The following CHL1 variants were observed in gnomAD, a reference collection of about 807,000 sequenced individuals.
The protein encoded by CHL1 is cell adhesion molecule L1 like, also known as neural cell adhesion molecule L1-like protein.
CHL1 carries 96 observed loss-of-function variants against 141.9 expected under a neutral mutation model. That is an observed-to-expected ratio of 0.68 (90% CI 0.57 to 0.80). CHL1 has a LOEUF of 0.80. Among genes scored for constraint, CHL1 ranks in the 30% least tolerant of loss-of-function variants. The pLI is 0.00. For synonymous variants in CHL1, 613 were observed against 502.2 expected (o/e 1.22, Z -2.95); for missense variants, 1,820 against 1,457.2 (o/e 1.25, Z -4.05).
rs148488519 is a variant in CHL1, at chr3:242,204, T to C, written c.-174-2409T>C. Among the ~76,000 whole-genome samples, 8 of 152,302 alleles carry C rather than the reference T, an allele frequency of 5.3e-5. No individual in the cohort carries two copies. In the East Asian group the frequency reaches 1.5e-3, roughly 29 times the overall value. Reference sequence around the variant, plus strand: ...GTATGTATATATATATGTGTGTGTATATATTTCCATATTTCTTGTTTCATT... The same window carrying C: ...GTATGTATATATATATGTGTGTGTACATATTTCCATATTTCTTGTTTCATT... On this transcript the variant is annotated intron_variant, in intron 1 of 27. Coordinates refer to ENST00000256509, the MANE Select transcript of CHL1 (RefSeq NM_006614.4).
chr3:281,631 C>T (rs1010789348), intron 2 of CHL1, among the ~76,000 whole-genome samples: 1 of 150,236 alleles, frequency 6.7e-6, no homozygotes, highest in Non-Finnish European at 1.5e-5. Flanking sequence ...ACAATCTCAG[C>T]TTACTGCAAC....
intron 2 of CHL1, among the ~76,000 whole-genome samples, chr3:280,669 G>A (rs1696558886): frequency 6.6e-6 from 1 of 152,116 alleles, no homozygotes; most frequent in South Asian, 2.1e-4. Flanking sequence ...TCCACCATTA[G>A]AAACTATCAC....
intron 2 of CHL1, among the ~76,000 whole-genome samples, chr3:260,075 G>T (rs900985252): frequency 6.6e-6 from 1 of 152,084 alleles, no homozygotes; most frequent in Non-Finnish European, 1.5e-5. Flanking sequence ...GACCAGCCTG[G>T]CCAGCATGAT....
chr3:368,864 C>A (rs117958907), intron 15 of CHL1, among the ~76,000 whole-genome samples: 2 of 152,124 alleles, frequency 1.3e-5, no homozygotes, highest in South Asian at 4.2e-4. Flanking sequence ...CTTTCCCCAG[C>A]GCTTCGATTT....
intron 16 of CHL1, among the ~76,000 whole-genome samples, chr3:381,268 G>T (rs552830278): frequency 6.6e-6 from 1 of 152,292 alleles, no homozygotes; most frequent in South Asian, 2.1e-4. Context: ...AGAGCCTGAT[G>T]CGATTGAACA....
At chr3:337,927 A>C (rs1022271337) in intron 5 of CHL1, among the ~76,000 whole-genome samples, 13 of 152,162 alleles carry the variant, frequency 8.5e-5, no homozygotes, top group Non-Finnish European at 1.9e-4. Flanking sequence ...TTCTAGTTCT[A>C]GATCCCTGAG....
At chr3:252,378 ATATATATATATATATATATATATTTC>A (rs199985449) in intron 2 of CHL1, among the ~76,000 whole-genome samples, 2 of 124,920 alleles carry the variant, frequency 1.6e-5, no homozygotes, top group East Asian at 2.1e-4. Context: ...ATATATATAT[ATATATATATATATATATATATATTTC>A]TATTTTGGTA....
intron 1 of CHL1, chr3:197,734 C>A: frequency 2.2e-6 from 1 of 452,556 alleles, no homozygotes. Context: ...TAGAGCTCCA[C>A]CTCCCCAGAC....
Position 391,689 on chromosome 3 carries a change from A to G in CHL1, c.2806A>G (p.Thr936Ala), listed in dbSNP as rs766679621. 1.9e-6 allele frequency: 3 copies of G among 1,604,042 alleles called. No homozygotes were observed. The highest frequency in any genetic ancestry group is 1.7e-5 in the Admixed American group (1 of 58,202). ...GTGTTTTCTAGTACCTGAACAGCCAACTTTTCTAAAGGTCATCAAAGTTGA... is the reference window on the plus strand; with the variant it reads ...GTGTTTTCTAGTACCTGAACAGCCAGCTTTTCTAAAGGTCATCAAAGTTGA... ...QTPEGVPEQP[T>A]FLKVIKVDKD... The change falls in exon 23 of 28, where the codon ACT (threonine) becomes GCT (alanine). Residue 936 changes from threonine to alanine, a missense_variant. Coordinates refer to ENST00000256509, the MANE Select transcript of CHL1 (RefSeq NM_006614.4).
chr3:374,496 A>G (rs1706052554), intron 15 of CHL1, among the ~76,000 whole-genome samples: 2 of 152,148 alleles, frequency 1.3e-5, no homozygotes, highest in African/African-American at 4.8e-5. Flanking sequence ...TGACATGGAC[A>G]TTTAGGCTTT....
At position 240,201 on chromosome 3, in the gene CHL1, A is replaced by G. The variant is rs985026499; in HGVS notation, c.-174-4412A>G. ...TTCCATAGTGGTTGTGCTAGTTGAC[A>G]TTCTCACCAGCAGTGTAGAAGTGCT... On this transcript the variant is annotated intron_variant, in intron 1 of 27. Transcript: ENST00000256509. Among the ~76,000 whole-genome samples the G allele has an allele frequency of 2.6e-5, 4 of 152,184 alleles. No individual in the cohort carries two copies. The East Asian group carries it at 7.7e-4, about 29-fold the overall frequency.
In CHL1 at chr3:244,701, A is replaced by G. The variant is rs2125110495; in HGVS notation, c.-95+9A>G. On this transcript the variant is annotated intron_variant, in intron 2 of 27. Transcript: ENST00000256509. ...GGGAACTTAATTTACTGGTAAGAGTATTTTCCTTAATCAGTTGTTTTATGC... is the reference window on the plus strand; with the variant it reads ...GGGAACTTAATTTACTGGTAAGAGTGTTTTCCTTAATCAGTTGTTTTATGC... 1 of 152,276 alleles carries G rather than the reference A, an allele frequency of 6.6e-6. No homozygotes were observed. Among genetic ancestry groups the G allele is most frequent in the Admixed American group, 6.5e-5 (1 of 15,288 alleles). 9.4% of individuals were successfully genotyped at this position (152,276 alleles called of 1,614,324 possible).
intron 19 of CHL1, among the ~76,000 whole-genome samples, chr3:387,100 A>G (rs35177888): frequency 0.25 from 38,269 of 152,140 alleles, 5,021 homozygotes; most frequent in East Asian, 0.42. Flanking sequence ...TGTTTTCTAG[A>G]TTAATAGTTA....
intron 1 of CHL1, among the ~76,000 whole-genome samples, chr3:206,652 A>T (rs1206690113): frequency 6.6e-6 from 1 of 152,144 alleles, no homozygotes; most frequent in Non-Finnish European, 1.5e-5. Context: ...AGGTGGGAGG[A>T]TCATTTGAGC....
intron 14 of CHL1, among the ~76,000 whole-genome samples, chr3:364,222 C>G (rs74342097): frequency 0.028 from 4,184 of 152,030 alleles, 197 homozygotes; most frequent in African/African-American, 0.095. Context: ...GCATTTGTCT[C>G]TTTCTGTGCC....
intron 8 of CHL1, 72 bp downstream of exon 8, chr3:343,103 T>C: frequency 4.2e-6 from 5 of 1,188,076 alleles, no homozygotes; most frequent in Non-Finnish European, 6.0e-6. Context: ...GAATTTTTTC[T>C]TTAATATCCT....
chr3:307,468 A>T (rs1033015688), intron 2 of CHL1, among the ~76,000 whole-genome samples: 2 of 152,236 alleles, frequency 1.3e-5, no homozygotes, highest in African/African-American at 2.4e-5. Flanking sequence ...TAGCTGCAGG[A>T]TTCAGCTACA....
intron 2 of CHL1, among the ~76,000 whole-genome samples, chr3:254,657 C>T (rs895573152): frequency 2.0e-5 from 3 of 152,138 alleles, no homozygotes; most frequent in Non-Finnish European, 4.4e-5. Context: ...TCTCACAGTT[C>T]TGGAGGTTGG....
intron 16 of CHL1, among the ~76,000 whole-genome samples, chr3:378,727 C>T (rs188647336): frequency 3.5e-4 from 53 of 152,302 alleles, no homozygotes; most frequent in African/African-American, 1.2e-3. Flanking sequence ...TGTGGACTGG[C>T]TGTGTCCCAC....
Sources: allele counts gnomAD v4.1 joint callset (sites outside exome capture counted in the v4.1 genomes callset), GRCh38; gene constraint gnomAD v4.1.1; transcripts MANE v1.5; gene names NCBI Gene and HGNC (gene_info 2026-07-23, HGNC 2026-07-21).